The following TMEM71 variants were observed in gnomAD, a reference collection of about 807,000 sequenced individuals.
TMEM71 encodes the protein transmembrane protein 71.
TMEM71 carries 44 observed loss-of-function variants against 38.0 expected under a neutral mutation model. That is an observed-to-expected ratio of 1.16 (90% CI 0.91 to 1.49). The LOEUF is 1.49. Among genes scored for constraint, TMEM71 ranks in the 40% most tolerant of loss-of-function variants. The pLI, the probability that TMEM71 is intolerant of heterozygous loss-of-function variation, is 0.00. For synonymous variants in TMEM71, 133 were observed against 122.5 expected (o/e 1.09, Z -0.56); for missense variants, 367 against 348.6 (o/e 1.05, Z -0.42).
chr8:132,757,953 T>C (rs943860460), intron 2 of TMEM71: 4 of 152,142 alleles, frequency 2.6e-5, no homozygotes, highest in African/African-American at 9.7e-5. Flanking sequence ...CCCAAATCAA[T>C]TACCCAATGT....
At chr8:132,748,882 A>C (rs1828538596) in intron 4 of TMEM71, among the ~76,000 whole-genome samples, 1 of 152,210 alleles carries the variant, frequency 6.6e-6, no homozygotes, top group South Asian at 2.1e-4. Context: ...TCCACCTAAT[A>C]GCCCTGTGAG....
At chr8:132,716,692 C>T (rs543330821) in intron 7 of TMEM71, among the ~76,000 whole-genome samples, 2 of 152,256 alleles carry the variant, frequency 1.3e-5, no homozygotes, top group East Asian at 3.9e-4. Context: ...ATCAAACCCC[C>T]TTCGGTATTG....
intron 5 of TMEM71, among the ~76,000 whole-genome samples, chr8:132,742,569 C>A (rs1828103371): frequency 6.6e-6 from 1 of 152,192 alleles, no homozygotes; most frequent in African/African-American, 2.4e-5. Context: ...ATTTATCTAC[C>A]TGTTTTAAAC....
At chr8:132,758,427 G>T (rs534625630) in intron 2 of TMEM71, 1 of 176,506 alleles carries the variant, frequency 5.7e-6, no homozygotes, top group African/African-American at 2.4e-5. Flanking sequence ...AGAGTTAGAA[G>T]TGGGGTTTTG....
At chr8:132,744,581 C>T (rs1828229319) in intron 5 of TMEM71, among the ~76,000 whole-genome samples, 1 of 152,120 alleles carries the variant, frequency 6.6e-6, no homozygotes, top group Non-Finnish European at 1.5e-5. Flanking sequence ...TTGGAAGAAT[C>T]AATATCACAA....
chr8:132,730,084 G>A (rs1827369027), intron 5 of TMEM71, among the ~76,000 whole-genome samples: 1 of 151,756 alleles, frequency 6.6e-6, no homozygotes, highest in African/African-American at 2.4e-5. Flanking sequence ...TCAGCCTCCC[G>A]AATAGCTGGG....
chr8:132,773,159 G>T, the TMEM71 span, among the ~76,000 whole-genome samples: 12 of 152,200 alleles, frequency 7.9e-5, 1 homozygote, highest in Admixed American at 2.6e-4. Flanking sequence ...GTATGGAACT[G>T]CACTGTGCAT....
chr8:132,733,526 T>G (rs1827576559), intron 5 of TMEM71, among the ~76,000 whole-genome samples: 1 of 152,214 alleles, frequency 6.6e-6, no homozygotes, highest in Non-Finnish European at 1.5e-5. Context: ...GGTTTTGGAC[T>G]GGGAAATTCC....
At chr8:132,765,625 C>T (rs933983724), upstream of TMEM71, among the ~76,000 whole-genome samples, 1 of 152,028 alleles carries the variant, frequency 6.6e-6, no homozygotes, top group African/African-American at 2.4e-5. Flanking sequence ...GGCTCAGCAC[C>T]CCTCCTAAGA....
At chr8:132,761,841 AGT>A (rs763888796), upstream of TMEM71, among the ~76,000 whole-genome samples, 2 of 152,342 alleles carry the variant, frequency 1.3e-5, no homozygotes, top group East Asian at 3.9e-4. Flanking sequence ...AGGAATCAAG[AGT>A]GGTCTCAAAA....
intron 6 of TMEM71, 76 bp downstream of exon 6, chr8:132,727,722 C>T (rs1252100669): frequency 4.5e-6 from 6 of 1,345,762 alleles, no homozygotes; most frequent in South Asian, 1.4e-5. Context: ...GCATTTTAGT[C>T]ATCTCCAAGT....
At chr8:132,773,691 C>G in the TMEM71 span, among the ~76,000 whole-genome samples, 4 of 152,162 alleles carry the variant, frequency 2.6e-5, no homozygotes, top group Admixed American at 2.0e-4. Flanking sequence ...TTTTGAACAT[C>G]ATTAGCAACT....
At chr8:132,733,375 G>A (rs1827567631) in intron 5 of TMEM71, among the ~76,000 whole-genome samples, 1 of 152,156 alleles carries the variant, frequency 6.6e-6, no homozygotes, top group South Asian at 2.1e-4. Context: ...TTATAACAGG[G>A]TACAGTAACT....
the TMEM71 span, among the ~76,000 whole-genome samples, chr8:132,774,639 A>G: frequency 1.3e-5 from 2 of 152,248 alleles, no homozygotes; most frequent in African/African-American, 4.8e-5. Flanking sequence ...TTTCATTTCA[A>G]TATTATTTTC....
Position 132,710,940 on chromosome 8 carries a change from T to C in TMEM71, c.*27A>G. 1 of 1,606,120 alleles carries C rather than the reference T, an allele frequency of 6.2e-7. No individual in the cohort carries two copies. Among genetic ancestry groups the C allele is most frequent in the Non-Finnish European group, 8.5e-7 (1 of 1,174,334 alleles). On this transcript the variant is annotated 3_prime_UTR_variant, in exon 10 of 10. Transcript: ENST00000677595. ...TTTCCAGATATTCAGATGGAGGACA[T>C]TCATCGAAGGCATTCCTAAATGGTT...
intron 6 of TMEM71, among the ~76,000 whole-genome samples, chr8:132,724,869 A>T (rs889455870): frequency 3.9e-5 from 6 of 152,146 alleles, no homozygotes; most frequent in African/African-American, 1.4e-4. Flanking sequence ...AGTTTTGTTC[A>T]TGTGAAACAT....
At chr8:132,722,996 A>G (rs1826938861) in intron 6 of TMEM71, among the ~76,000 whole-genome samples, 1 of 152,232 alleles carries the variant, frequency 6.6e-6, no homozygotes, top group African/African-American at 2.4e-5. Context: ...AATGCTTCAA[A>G]AGCTCAATTT....
the TMEM71 span, among the ~76,000 whole-genome samples, chr8:132,771,074 A>T: frequency 3.9e-3 from 592 of 152,318 alleles, 6 homozygotes; most frequent in Non-Finnish European, 4.3e-3. Context: ...AGCAGAGACC[A>T]TCCTTTGTCC....
chr8:132,764,221 T>A (rs903671900), upstream of TMEM71, among the ~76,000 whole-genome samples: 5 of 152,298 alleles, frequency 3.3e-5, no homozygotes, highest in Admixed American at 6.5e-5. Context: ...CAAATCAGTA[T>A]GCATAAGCCA....
Sources: gnomAD v4.1 joint callset for allele counts (sites outside exome capture counted in the v4.1 genomes callset) on GRCh38, gnomAD v4.1.1 for gene constraint, MANE v1.5 for transcripts, NCBI Gene and HGNC (gene_info 2026-07-23, HGNC 2026-07-21) for gene names.